PARVA: variants seen among roughly 807,000 people sequenced by gnomAD.
The protein encoded by PARVA is alpha-parvin.
PARVA carries 25 observed loss-of-function variants against 52.6 expected under a neutral mutation model. That is an observed-to-expected ratio of 0.48 (90% CI 0.35 to 0.66). PARVA has a LOEUF of 0.66. Ranked by LOEUF, PARVA falls within the 30% of genes least tolerant of loss-of-function variation. PARVA has a pLI of 0.01. For missense variants in PARVA, 373 were observed against 450.9 expected (o/e 0.83, Z 1.56); for synonymous variants, 185 against 179.1 (o/e 1.03, Z -0.26).
intron 1 of PARVA, among the ~76,000 whole-genome samples, chr11:12,438,780 C>T (rs537101708): frequency 6.6e-6 from 1 of 152,226 alleles, no homozygotes; most frequent in East Asian, 1.9e-4. Context: ...TAGTTATTTG[C>T]CCAAATTAAG....
At chr11:12,481,672 T>C (rs1481583074) in intron 4 of PARVA, among the ~76,000 whole-genome samples, 1 of 152,196 alleles carries the variant, frequency 6.6e-6, no homozygotes, top group Admixed American at 6.5e-5. Context: ...GTGGTGGTAT[T>C]AACTAGGCAT....
At chr11:12,449,995 G>T (rs189720111) in intron 1 of PARVA, among the ~76,000 whole-genome samples, 3 of 152,298 alleles carry the variant, frequency 2.0e-5, no homozygotes, top group East Asian at 3.9e-4. Context: ...GCCAGGTATT[G>T]TTCCAAACCC....
chr11:12,513,702 T>C (rs997888693), intron 9 of PARVA: 1 of 584,194 alleles, frequency 1.7e-6, no homozygotes, highest in Admixed American at 2.9e-5. Flanking sequence ...GGAATCATTT[T>C]ATTTCAGTTC....
rs1940966627 is a variant in PARVA at position 12,473,849 on chromosome 11, GTC to G, written c.226+19_226+20del. 2 of 1,565,718 alleles carry G rather than the reference GTC, an allele frequency of 1.3e-6. No individual in the cohort carries two copies. Among genetic ancestry groups the G allele is most frequent in the African/African-American group, 2.7e-5 (2 of 73,648 alleles). ...CACGATGCTGGGTAACTGTGCTCTT[GTC>G]TCTGAATTCGCTTAAGCTTTCCCAT... On this transcript the variant is annotated intron_variant, in intron 2 of 12. Coordinates refer to ENST00000334956, the MANE Select transcript of PARVA (RefSeq NM_018222.5).
Position 12,518,529 on chromosome 11 carries a change from T to C in PARVA, c.1042+12T>C. 6.2e-7 allele frequency: 1 copy of C among 1,602,836 alleles called. No individual in the cohort carries two copies. The highest frequency in any genetic ancestry group is 8.5e-7 in the Non-Finnish European group (1 of 1,171,032). On this transcript the variant is annotated intron_variant, in intron 12 of 12. Coordinates refer to ENST00000334956, the MANE Select transcript of PARVA (RefSeq NM_018222.5). Reference sequence around the variant, plus strand: ...ACCGCGGCCAGAAGGTACTTTGCTCTTTCCTGGGTTTGTGACAACAGAGTG... The same window carrying C: ...ACCGCGGCCAGAAGGTACTTTGCTCCTTCCTGGGTTTGTGACAACAGAGTG...
chr11:12,382,066 G>A lies in PARVA; in HGVS notation c.136+4283G>A, dbSNP rs117292802. The stretch of plus-strand genomic sequence containing the variant: ...AACTGTTCACGTGGAGATGATTAGC[G>A]TCACAAGGTGTTTTAAGCAGATACT... On this transcript the variant is annotated intron_variant, in intron 1 of 12. Coordinates refer to ENST00000334956, the MANE Select transcript of PARVA (RefSeq NM_018222.5). 5.2e-3 allele frequency among the ~76,000 whole-genome samples: 799 copies of A among 152,306 alleles called. 15 individuals are homozygous for A. The highest frequency in any genetic ancestry group is 0.025 in the East Asian group (131 of 5,190).
intron 1 of PARVA, among the ~76,000 whole-genome samples, chr11:12,410,794 TAAATG>T (rs1939982333): frequency 6.6e-6 from 1 of 152,184 alleles, no homozygotes; most frequent in Non-Finnish European, 1.5e-5. Context: ...AAGAAAGAAA[TAAATG>T]AAAGTTATGT....
rs1270548864 is a variant in PARVA, at chr11:12,533,444, A to C, written c.*5519A>C. Among the ~76,000 whole-genome samples, 1 of 152,198 alleles carries C rather than the reference A, an allele frequency of 6.6e-6. No homozygotes were observed. Among genetic ancestry groups the C allele is most frequent in the Non-Finnish European group, 1.5e-5 (1 of 68,044 alleles). ...ATGAACTATAACTGCTCCAATGCCC[A>C]CCACATTATATAAAATCTACCAAAA... On this transcript the variant is annotated 3_prime_UTR_variant, in exon 13 of 13. Coordinates refer to ENST00000334956, the MANE Select transcript of PARVA (RefSeq NM_018222.5).
At chr11:12,513,700 T>C in intron 9 of PARVA, 1 of 582,714 alleles carries the variant, frequency 1.7e-6, no homozygotes, top group Middle Eastern at 2.7e-4. Flanking sequence ...GTGGAATCAT[T>C]TTATTTCAGT....
chr11:12,467,173 G>T (rs909261242), intron 1 of PARVA, among the ~76,000 whole-genome samples: 1 of 152,136 alleles, frequency 6.6e-6, no homozygotes, highest in African/African-American at 2.4e-5. Flanking sequence ...CAACCATTCA[G>T]TGCTAGTATA....
intron 1 of PARVA, among the ~76,000 whole-genome samples, chr11:12,401,510 G>C (rs1412791718): frequency 1.3e-5 from 2 of 152,212 alleles, no homozygotes; most frequent in East Asian, 1.9e-4. Flanking sequence ...AGCACACACA[G>C]ACAATGGAGC....
At chr11:12,486,773 G>A (rs1424970398) in intron 4 of PARVA, among the ~76,000 whole-genome samples, 3 of 152,042 alleles carry the variant, frequency 2.0e-5, no homozygotes, top group Admixed American at 6.5e-5. Flanking sequence ...TTGAGCCCAG[G>A]AGGCAGAGGT....
intron 1 of PARVA, among the ~76,000 whole-genome samples, chr11:12,395,339 G>A (rs944354392): frequency 2.6e-5 from 4 of 152,152 alleles, no homozygotes; most frequent in Admixed American, 6.5e-5. Flanking sequence ...TGTGTTTACC[G>A]AAGAACAGCT....
At position 12,508,582 on chromosome 11, in the gene PARVA, AGAAACGAGAAG is replaced by A; in HGVS notation, c.660_670del (p.Lys220AsnfsTer14). The A allele has an allele frequency of 6.2e-7, 1 of 1,608,290 alleles. No homozygotes were observed. Among genetic ancestry groups the A allele is most frequent in the Non-Finnish European group, 8.5e-7 (1 of 1,176,558 alleles). On this transcript the variant is annotated splice_acceptor_variant and coding_sequence_variant, in exon 7 of 13. Transcript: ENST00000334956. LOFTEE classifies it high-confidence loss of function. ...CAACCCCTTTCCCCACCCCCATTTC[AGAAACGAGAAG>A]GAATCCTCCAGTCTCGGCAAATCCA...
At chr11:12,526,864 G>A (rs774477287) in intron 12 of PARVA, among the ~76,000 whole-genome samples, 1 of 151,978 alleles carries the variant, frequency 6.6e-6, no homozygotes, top group Non-Finnish European at 1.5e-5. Context: ...TCTTGTTGGG[G>A]GAGGGAGGAA....
At chr11:12,484,504 GGTGTGTGTGTGTGTGTGTGT>G (rs35501237) in intron 4 of PARVA, among the ~76,000 whole-genome samples, 3,606 of 144,692 alleles carry the variant, frequency 0.025, 95 homozygotes, top group Admixed American at 0.07. Flanking sequence ...GTTTTGTTTT[GGTGTGTGTGTGTGTGTGTGT>G]GTGTGTGTGT....
intron 1 of PARVA, among the ~76,000 whole-genome samples, chr11:12,433,904 T>C (rs1053301350): frequency 1.2e-4 from 19 of 152,174 alleles, no homozygotes; most frequent in African/African-American, 4.6e-4. Flanking sequence ...GTGTGGAAAA[T>C]TGACCACAGA....
chr11:12,414,475 G>A (rs1333745414), intron 1 of PARVA, among the ~76,000 whole-genome samples: 1 of 152,216 alleles, frequency 6.6e-6, no homozygotes, highest in South Asian at 2.1e-4. Context: ...GCTGCTGGAG[G>A]ATCTTAACGC....
intron 1 of PARVA, among the ~76,000 whole-genome samples, chr11:12,464,891 A>G (rs1940833536): frequency 6.6e-6 from 1 of 152,124 alleles, no homozygotes; most frequent in Non-Finnish European, 1.5e-5. Context: ...AGTTTTTTCC[A>G]TGGACATGGG....
Sources: allele counts gnomAD v4.1 joint callset (sites outside exome capture counted in the v4.1 genomes callset), GRCh38; gene constraint gnomAD v4.1.1; transcripts MANE v1.5; gene names NCBI Gene and HGNC (gene_info 2026-07-23, HGNC 2026-07-21).